The following SPOCK1 variants were observed in gnomAD, a reference collection of about 807,000 sequenced individuals.
The protein encoded by SPOCK1 is SPARC (osteonectin), cwcv and kazal like domains proteoglycan 1, also known as testican-1.
Under a neutral mutation model 55.3 loss-of-function variants are expected in SPOCK1, and 23 were observed. The ratio of observed to expected loss-of-function variants is 0.42; its 90% CI spans 0.30 to 0.59. SPOCK1 has a LOEUF of 0.59. SPOCK1 is among the 20% of genes least tolerant of loss of function. SPOCK1 has a pLI of 0.22. For synonymous variants in SPOCK1, 226 were observed against 221.0 expected, an observed-to-expected ratio of 1.02 and a Z score of -0.20; for missense variants, 499 against 552.5, an observed-to-expected ratio of 0.90 and a Z score of 0.97.
At chr5:137,094,161 G>A (rs904439059) in intron 5 of SPOCK1, among the ~76,000 whole-genome samples, 4 of 152,164 alleles carry the variant, frequency 2.6e-5, no homozygotes, top group African/African-American at 9.7e-5. Context: ...TGAGTCACTG[G>A]GCACAGAATA....
chr5:137,215,010 T>A (rs1755690189), intron 3 of SPOCK1, among the ~76,000 whole-genome samples: 1 of 152,144 alleles, frequency 6.6e-6, no homozygotes, highest in African/African-American at 2.4e-5. Flanking sequence ...ACACACACAC[T>A]GTGACTCAAT....
intron 3 of SPOCK1, among the ~76,000 whole-genome samples, chr5:137,215,961 C>T (rs1015785232): frequency 6.6e-5 from 10 of 152,142 alleles, no homozygotes; most frequent in Admixed American, 4.6e-4. Context: ...GGCAGAACTG[C>T]GGTTCAATCC....
Position 137,192,251 on chromosome 5 carries a change from A to G in SPOCK1, c.233-51557T>C, listed in dbSNP as rs979271465. ...CTGTCTCAAAAAAAAAAAAAAAAAA[A>G]AAAAGAAAAGGAAAACAAGCTCAGA... On this transcript the variant is annotated intron_variant, in intron 3 of 10. Transcript: ENST00000394945. 2.8e-4 allele frequency among the ~76,000 whole-genome samples: 42 copies of G among 149,144 alleles called. No homozygotes were observed. In the East Asian group the frequency reaches 4.5e-3, roughly 16 times the overall value.
At chr5:136,991,444 T>A (rs1750946107) in intron 7 of SPOCK1, among the ~76,000 whole-genome samples, 1 of 152,090 alleles carries the variant, frequency 6.6e-6, no homozygotes, top group Non-Finnish European at 1.5e-5. Flanking sequence ...AACTAAAAAT[T>A]AAGAAGATCA....
Position 137,499,323 on chromosome 5 carries a change from A to C in SPOCK1, c.-145T>G, listed in dbSNP as rs1053979050. The C allele has an allele frequency of 6.6e-6, 1 of 151,638 alleles. No individual in the cohort carries two copies. Among genetic ancestry groups the C allele is most frequent in the Non-Finnish European group, 1.5e-5 (1 of 67,872 alleles). 9.4% of individuals were successfully genotyped at this position (151,638 alleles called of 1,614,324 possible). A position where few individuals can be genotyped will look rare whatever the true frequency, so the allele number is the denominator to read the frequency against. On this transcript the variant is annotated 5_prime_UTR_variant, in exon 1 of 11. Transcript: ENST00000394945. ...CTGGCCGCTTTGTGAGCCCGCAGCG[A>C]TGTGCTCTGCTCGCTCGCTGGCTCG...
chr5:136,999,805 A>G (rs1295783920), intron 6 of SPOCK1, among the ~76,000 whole-genome samples: 1 of 152,196 alleles, frequency 6.6e-6, no homozygotes, highest in Non-Finnish European at 1.5e-5. Flanking sequence ...ATCCTAACTG[A>G]AGCCACATTT....
At chr5:137,358,362 C>T (rs1170936303) in intron 2 of SPOCK1, among the ~76,000 whole-genome samples, 1 of 142,114 alleles carries the variant, frequency 7.0e-6, no homozygotes, top group African/African-American at 2.6e-5. Context: ...CTGTACAACA[C>T]GTTTGGCTCT....
intron 2 of SPOCK1, among the ~76,000 whole-genome samples, chr5:137,404,149 C>A (rs1050944190): frequency 6.6e-6 from 1 of 152,076 alleles, no homozygotes; most frequent in Non-Finnish European, 1.5e-5. Context: ...AACTCAAATG[C>A]GCATATGTGG....
At chr5:137,060,238 T>A (rs1406257808) in intron 6 of SPOCK1, among the ~76,000 whole-genome samples, 1 of 152,224 alleles carries the variant, frequency 6.6e-6, no homozygotes, top group Non-Finnish European at 1.5e-5. Flanking sequence ...TAAAATGTGG[T>A]ACACATGTAC....
At chr5:137,213,230 G>A (rs1755651245) in intron 3 of SPOCK1, among the ~76,000 whole-genome samples, 1 of 152,176 alleles carries the variant, frequency 6.6e-6, no homozygotes, top group African/African-American at 2.4e-5. Context: ...GAGTGCACAT[G>A]TTCATTACAA....
intron 6 of SPOCK1, among the ~76,000 whole-genome samples, chr5:137,052,952 T>C (rs1428926437): frequency 2.0e-5 from 3 of 151,596 alleles, no homozygotes; most frequent in Non-Finnish European, 4.4e-5. Flanking sequence ...TCTTCTCCAG[T>C]TAGGTGGTTT....
intron 2 of SPOCK1, among the ~76,000 whole-genome samples, chr5:137,332,362 C>T (rs17522183): frequency 0.15 from 23,571 of 152,186 alleles, 2,406 homozygotes; most frequent in Middle Eastern, 0.25. Context: ...AATTTTCCTG[C>T]TTAGGTTCAT....
intron 3 of SPOCK1, among the ~76,000 whole-genome samples, chr5:137,233,110 G>A (rs563854742): frequency 2.8e-4 from 43 of 152,254 alleles, no homozygotes; most frequent in African/African-American, 1.0e-3. Context: ...TGGCACCAGG[G>A]ACTTGTTTCA....
intron 5 of SPOCK1, among the ~76,000 whole-genome samples, chr5:137,090,844 C>T (rs1753039186): frequency 1.3e-5 from 2 of 152,166 alleles, no homozygotes; most frequent in Non-Finnish European, 2.9e-5. Context: ...TCCTGAGACG[C>T]TCAGGCACCT....
At chr5:137,096,748 A>T (rs1276418848) in intron 5 of SPOCK1, among the ~76,000 whole-genome samples, 1 of 151,184 alleles carries the variant, frequency 6.6e-6, no homozygotes, top group Non-Finnish European at 1.5e-5. Context: ...AAAATTTTTT[A>T]AAGAATTATG....
At chr5:137,156,352 C>G (rs1294887103) in intron 3 of SPOCK1, among the ~76,000 whole-genome samples, 1 of 152,150 alleles carries the variant, frequency 6.6e-6, no homozygotes, top group Non-Finnish European at 1.5e-5. Context: ...TTCAAACCAT[C>G]CCTCTCTATC....
At chr5:137,433,137 G>A (rs777460380) in intron 2 of SPOCK1, among the ~76,000 whole-genome samples, 6 of 152,214 alleles carry the variant, frequency 3.9e-5, no homozygotes, top group Non-Finnish European at 7.3e-5. Flanking sequence ...CAAAGCCACT[G>A]CTTCTGGCTT....
At chr5:137,404,738 G>A (rs537240513) in intron 2 of SPOCK1, among the ~76,000 whole-genome samples, 182 of 152,072 alleles carry the variant, frequency 1.2e-3, no homozygotes, top group African/African-American at 3.4e-3. Flanking sequence ...TTTAAATATC[G>A]TTGGTACAGG....
At chr5:137,480,889 G>A (rs1473262000) in intron 2 of SPOCK1, among the ~76,000 whole-genome samples, 1 of 152,154 alleles carries the variant, frequency 6.6e-6, no homozygotes, top group Non-Finnish European at 1.5e-5. Flanking sequence ...AGAATGAGGA[G>A]AGGGAAGAGG....
Sources: allele counts gnomAD v4.1 joint callset (sites outside exome capture counted in the v4.1 genomes callset), GRCh38; gene constraint gnomAD v4.1.1; transcripts MANE v1.5; gene names NCBI Gene and HGNC (gene_info 2026-07-23, HGNC 2026-07-21).